EXOC6B: variants seen among roughly 807,000 people sequenced by gnomAD.
The protein encoded by EXOC6B is exocyst complex component 6B, also known as SEC15 homolog B.
Under a neutral mutation model 113.5 loss-of-function variants are expected in EXOC6B, and 54 were observed. The observed-to-expected ratio is 0.48, with a 90% CI of 0.38 to 0.60. EXOC6B has a LOEUF of 0.60. Among genes scored for constraint, EXOC6B ranks in the 20% least tolerant of loss-of-function variants. The probability of loss-of-function intolerance (pLI) is 0.00; values close to 1 mark genes in which losing one functional copy is unlikely to be tolerated. For missense variants in EXOC6B, 797 were observed against 977.5 expected (o/e 0.82, Z 2.46); for synonymous variants, 357 against 339.0 (o/e 1.05, Z -0.58).
intron 20 of EXOC6B, among the ~76,000 whole-genome samples, chr2:72,275,083 C>T (rs1443675989): frequency 2.0e-5 from 3 of 152,130 alleles, no homozygotes; most frequent in African/African-American, 7.2e-5. Context: ...ACAGTATTCC[C>T]TTAACCTAGT....
At chr2:72,397,661 T>TAAAATAAAATAAAATAAAATAAAATAAA (rs1558625759) in intron 18 of EXOC6B, among the ~76,000 whole-genome samples, 2 of 102,084 alleles carry the variant, frequency 2.0e-5, no homozygotes, top group African/African-American at 1.7e-4. Flanking sequence ...AAAATAAAAT[T>TAAAATAAAATAAAATAAAATAAAATAAA]ATATATATAT....
At chr2:72,429,019 T>G (rs1415035250) in intron 18 of EXOC6B, among the ~76,000 whole-genome samples, 1 of 152,244 alleles carries the variant, frequency 6.6e-6, no homozygotes. Flanking sequence ...AATTTTATGT[T>G]AAACTTCAAG....
intron 17 of EXOC6B, among the ~76,000 whole-genome samples, chr2:72,477,040 T>C (rs1323231195): frequency 6.6e-6 from 1 of 152,164 alleles, no homozygotes; most frequent in African/African-American, 2.4e-5. Context: ...GTTGAGCCTG[T>C]CAATGTTGAA....
At chr2:72,299,502 A>C (rs1003213320) in intron 20 of EXOC6B, among the ~76,000 whole-genome samples, 4 of 151,784 alleles carry the variant, frequency 2.6e-5, no homozygotes, top group African/African-American at 4.8e-5. Flanking sequence ...GTTATTACCC[A>C]CCCTCTGAAG....
intron 1 of EXOC6B, among the ~76,000 whole-genome samples, chr2:72,767,808 TAAAAAAAAAAA>T (rs34358568): frequency 5.5e-4 from 7 of 12,690 alleles, no homozygotes; most frequent in Admixed American, 5.2e-3. Context: ...GAGACCTTGT[TAAAAAAAAAAA>T]AAAAAAAAAA....
chr2:72,682,000 TAAA>T (rs34379127), intron 6 of EXOC6B, among the ~76,000 whole-genome samples: 5,511 of 142,274 alleles, frequency 0.039, 321 homozygotes, highest in African/African-American at 0.13. Context: ...CAGAATCTCT[TAAA>T]AAAAAAAAAA....
At chr2:72,347,479 A>G (rs1323341513) in intron 19 of EXOC6B, among the ~76,000 whole-genome samples, 1 of 152,206 alleles carries the variant, frequency 6.6e-6, no homozygotes, top group African/African-American at 2.4e-5. Flanking sequence ...GACATTTAAC[A>G]GAACAGTGAA....
rs1558713390 is a variant in EXOC6B at position 72,480,750 on chromosome 2, G to C, written c.1666C>G (p.Leu556Val). Reference sequence around the variant, plus strand: ...GTTGTATTGATAATAATCTGAACAAGCTAGAAAACAACAAACACATGTAAA... The same window carrying C: ...GTTGTATTGATAATAATCTGAACAACCTAGAAAACAACAAACACATGTAAA... Reference protein sequence around the residue: ...IKRKNIGLTELVQIIINTTHL... With the variant: ...IKRKNIGLTEVVQIIINTTHL... Residue 556 changes from leucine (L) to valine (V), a missense_variant and splice_region_variant, in exon 17 of 22, where the codon CTT becomes GTT. Physicochemically the swap from Leu to Val is conservative, Grantham distance 32 (BLOSUM62 1). Coordinates refer to ENST00000272427, the MANE Select transcript of EXOC6B (RefSeq NM_015189.3). 6.3e-7 allele frequency: 1 copy of C among 1,598,516 alleles called. No homozygotes were observed. Among genetic ancestry groups the C allele is most frequent in the Non-Finnish European group, 8.5e-7 (1 of 1,171,478 alleles).
At chr2:72,259,822 A>T (rs955480633) in intron 20 of EXOC6B, among the ~76,000 whole-genome samples, 2 of 136,214 alleles carry the variant, frequency 1.5e-5, no homozygotes, top group Admixed American at 1.4e-4. Context: ...AAGCTGAGGC[A>T]GACAGATAGC....
At chr2:72,791,916 C>T (rs1230727516) in intron 1 of EXOC6B, among the ~76,000 whole-genome samples, 1 of 152,306 alleles carries the variant, frequency 6.6e-6, no homozygotes, top group East Asian at 1.9e-4. Flanking sequence ...TTCACTGAAA[C>T]ATAGATTCCA....
At chr2:72,597,422 T>C (rs992614849) in intron 6 of EXOC6B, among the ~76,000 whole-genome samples, 3 of 151,630 alleles carry the variant, frequency 2.0e-5, no homozygotes, top group Non-Finnish European at 4.4e-5. Context: ...GAACAACTGG[T>C]AAAAATTTTT....
At chr2:72,434,329 G>C (rs1695724660) in intron 18 of EXOC6B, among the ~76,000 whole-genome samples, 1 of 152,038 alleles carries the variant, frequency 6.6e-6, no homozygotes. Flanking sequence ...AGGATTTTTT[G>C]CATCGATGTT....
rs185860389 is a variant in EXOC6B at position 72,359,669 on chromosome 2, G to A, written c.2122+20060C>T. 2.3e-3 allele frequency among the ~76,000 whole-genome samples: 355 copies of A among 152,262 alleles called. 3 individuals carry two copies. The highest frequency in any genetic ancestry group is 1.9e-3 in the Non-Finnish European group (127 of 68,016). On this transcript the variant is annotated intron_variant, in intron 19 of 21. Coordinates refer to ENST00000272427, the MANE Select transcript of EXOC6B (RefSeq NM_015189.3). ...TAGAATGTTTGGAATTAGTTAGCAG[G>A]TAATGATAGGGAAAAGAGGATTGAG...
chr2:72,209,222 T>TCAAAAAAAAAAAAAA (rs1680016416), intron 20 of EXOC6B, among the ~76,000 whole-genome samples: 1 of 12,270 alleles, frequency 8.1e-5, no homozygotes. Context: ...AAACTCAGTC[T>TCAAAAAAAAAAAAAA]CAAAAAAAAA....
intron 1 of EXOC6B, among the ~76,000 whole-genome samples, chr2:72,754,094 C>T (rs1375134810): frequency 3.9e-5 from 6 of 152,038 alleles, no homozygotes; most frequent in Non-Finnish European, 8.8e-5. Context: ...ACTATGTTGC[C>T]TGGGATGGTC....
intron 18 of EXOC6B, among the ~76,000 whole-genome samples, chr2:72,386,983 G>A (rs1692066253): frequency 6.6e-6 from 1 of 152,052 alleles, no homozygotes; most frequent in South Asian, 2.1e-4. Flanking sequence ...GAAGTATTCA[G>A]TCTTTCATCA....
intron 1 of EXOC6B, among the ~76,000 whole-genome samples, chr2:72,776,536 G>A (rs1174159483): frequency 6.6e-6 from 1 of 152,044 alleles, no homozygotes; most frequent in African/African-American, 2.4e-5. Context: ...AGGATCACTT[G>A]AGCCCCAGAG....
At position 72,261,458 on chromosome 2, in the gene EXOC6B, A is replaced by T. The variant is rs192770862; in HGVS notation, c.2196+73489T>A. Among the ~76,000 whole-genome samples the T allele has an allele frequency of 4.1e-4, 63 of 152,332 alleles. No individual in the cohort carries two copies. The South Asian group carries it at 9.3e-3, about 23-fold the overall frequency. On this transcript the variant is annotated intron_variant, in intron 20 of 21. Coordinates refer to ENST00000272427, the MANE Select transcript of EXOC6B (RefSeq NM_015189.3). ...TTTGGGTTTGCCTATTTACAAAATC[A>T]CAGACTTTTAGCTTTGGAAGAGACC...
At chr2:72,472,841 T>C (rs1176238649) in intron 17 of EXOC6B, among the ~76,000 whole-genome samples, 1 of 152,212 alleles carries the variant, frequency 6.6e-6, no homozygotes, top group African/African-American at 2.4e-5. Context: ...CTTTTAGTAC[T>C]GCTTTTGTTG....
Sources: allele counts gnomAD v4.1 joint callset (sites outside exome capture counted in the v4.1 genomes callset), GRCh38; gene constraint gnomAD v4.1.1; transcripts MANE v1.5; gene names NCBI Gene and HGNC (gene_info 2026-07-23, HGNC 2026-07-21).